Variants in RELN observed in about 807,000 individuals in gnomAD.
RELN encodes reelin.
Under a neutral mutation model 427.6 loss-of-function variants are expected in RELN, and 108 were observed. The observed-to-expected ratio is 0.25, with a 90% CI of 0.22 to 0.30. The LOEUF is 0.30. Ranked by LOEUF, RELN falls within the 10% of genes least tolerant of loss-of-function variation. The probability of loss-of-function intolerance (pLI) is 1.00; values close to 1 mark genes in which losing one functional copy is unlikely to be tolerated. For synonymous variants in RELN, 1,524 were observed against 1,513.4 expected, an observed-to-expected ratio of 1.01 and a Z score of -0.16; for missense variants, 3,715 against 4,302.8, an observed-to-expected ratio of 0.86 and a Z score of 3.82.
intron 2 of RELN, among the ~76,000 whole-genome samples, chr7:103,876,881 C>T (rs148726008): frequency 6.6e-6 from 1 of 151,262 alleles, no homozygotes; most frequent in Non-Finnish European, 1.5e-5. Context: ...ATTGCTTTCT[C>T]GATAGAGAAA....
At position 103,511,014 on chromosome 7, in the gene RELN, A is replaced by G. The variant is rs74952625; in HGVS notation, c.8120-9T>C. The G allele has an allele frequency of 3.1e-4, 503 of 1,609,420 alleles. 1 individual carries two copies. The African/African-American group carries it at 6.1e-3, about 19-fold the overall frequency. On this transcript the variant is annotated splice_polypyrimidine_tract_variant and intron_variant, in intron 50 of 64. Coordinates refer to ENST00000428762, the MANE Select transcript of RELN (RefSeq NM_005045.4). Reference sequence around the variant, plus strand: ...TAGCCAGTGCTCATTCACTTAAAACAAAAAAACAAAATTTTATGACAAATT... The same window carrying G: ...TAGCCAGTGCTCATTCACTTAAAACGAAAAAACAAAATTTTATGACAAATT...
rs1432043969 is a variant in RELN, at chr7:103,650,260, G to T, written c.2002+14C>A. The T allele has an allele frequency of 5.0e-5, 70 of 1,413,532 alleles. No individual in the cohort carries two copies. Among genetic ancestry groups the T allele is most frequent in the Non-Finnish European group, 6.7e-5 (67 of 997,436 alleles). 87.6% of individuals were successfully genotyped at this position (1,413,532 alleles called of 1,614,324 possible). ...CATCAATGGCATGTGATTATGACAG[G>T]CATAAACACTAACCATTATCAATTG... On this transcript the variant is annotated intron_variant, in intron 16 of 64. Transcript: ENST00000428762.
chr7:103,775,960 G>A (rs1211889822), intron 4 of RELN, among the ~76,000 whole-genome samples: 1 of 152,166 alleles, frequency 6.6e-6, no homozygotes, highest in Non-Finnish European at 1.5e-5. Context: ...AAACTCAAGG[G>A]ATAGGGGGAA....
chr7:103,906,887 G>T (rs1190087702), intron 2 of RELN, among the ~76,000 whole-genome samples: 2 of 152,094 alleles, frequency 1.3e-5, no homozygotes, highest in African/African-American at 2.4e-5. Flanking sequence ...ATCTTCAGAG[G>T]TTTTGAGCCA....
rs1254924783 is a variant in RELN, at chr7:103,574,521, CAGACATTGGGA to C, written c.4304-233_4304-223del. Among the ~76,000 whole-genome samples, 13 of 152,286 alleles carry C rather than the reference CAGACATTGGGA, an allele frequency of 8.5e-5. 1 individual carries two copies. The East Asian group carries it at 2.3e-3, about 27-fold the overall frequency. On this transcript the variant is annotated intron_variant, in intron 29 of 64. Coordinates refer to ENST00000428762, the MANE Select transcript of RELN (RefSeq NM_005045.4). The stretch of plus-strand genomic sequence containing the variant: ...GTAAATTTTTATTTTTTAATAGAGA[CAGACATTGGGA>C]AGACATTGGGAACCATACCTTTTCG...
chr7:103,519,408 CT>C lies in RELN; in HGVS notation c.7776del (p.Gly2593ValfsTer31), dbSNP rs771126215. ...GCLITPNNRN[Q>X]GVLLEYSVNG... The stretch of plus-strand genomic sequence containing the variant: ...TTGACAGAATATTCCAAGAGAACAC[CT>C]TGGTTACGGTTGTTTGGTGTAATCA... On this transcript the variant is annotated frameshift_variant, in exon 49 of 65. Coordinates refer to ENST00000428762, the MANE Select transcript of RELN (RefSeq NM_005045.4). LOFTEE classifies it high-confidence loss of function. The C allele has an allele frequency of 6.2e-7, 1 of 1,613,862 alleles. No individual in the cohort carries two copies. The highest frequency in any genetic ancestry group is 8.5e-7 in the Non-Finnish European group (1 of 1,179,820).
At chr7:103,870,195 T>A (rs1359543587) in intron 2 of RELN, among the ~76,000 whole-genome samples, 1 of 152,258 alleles carries the variant, frequency 6.6e-6, no homozygotes, top group South Asian at 2.1e-4. Flanking sequence ...TACCTATGTA[T>A]AATATCTTTA....
intron 57 of RELN, among the ~76,000 whole-genome samples, chr7:103,494,924 G>A (rs1349135176): frequency 6.6e-6 from 1 of 152,018 alleles, no homozygotes; most frequent in African/African-American, 2.4e-5. Flanking sequence ...CACATAATAG[G>A]CATGGAGTAA....
At chr7:103,980,982 G>A (rs1237628710) in intron 1 of RELN, among the ~76,000 whole-genome samples, 1 of 152,160 alleles carries the variant, frequency 6.6e-6, no homozygotes, top group Non-Finnish European at 1.5e-5. Context: ...GAAAAGAACT[G>A]GAACTATGAT....
chr7:103,725,876 A>T (rs906580808), intron 7 of RELN, among the ~76,000 whole-genome samples: 18 of 152,188 alleles, frequency 1.2e-4, no homozygotes, highest in African/African-American at 4.3e-4. Context: ...TTCTCCAGAA[A>T]TGAAATGGCT....
rs748472233 is a variant in RELN at position 103,593,663 on chromosome 7, G to T, written c.3912+19C>A. 5 of 1,602,686 alleles carry T rather than the reference G, an allele frequency of 3.1e-6. No individual in the cohort carries two copies. The South Asian group carries it at 5.5e-5, about 18-fold the overall frequency. On this transcript the variant is annotated intron_variant, in intron 27 of 64. Coordinates refer to ENST00000428762, the MANE Select transcript of RELN (RefSeq NM_005045.4). ...TTTACTCCTTAACTTGCTCTGGGAA[G>T]AAGCTTGTGCATAAATACCTTGAAC...
chr7:103,563,030 C>G lies in RELN; in HGVS notation c.5211-1077G>C, dbSNP rs2117181178. On this transcript the variant is annotated intron_variant, in intron 34 of 64. Coordinates refer to ENST00000428762, the MANE Select transcript of RELN (RefSeq NM_005045.4). The surrounding 1 kb of genome is among the most constrained non-coding windows in gnomAD (Gnocchi z 4.1). ...CCAGCACAAATGCCCTTTTGCTCCC[C>G]TCTTCTCCTGGATAAGCCCTACTCA... Among the ~76,000 whole-genome samples the G allele has an allele frequency of 6.6e-6, 1 of 152,288 alleles. No homozygotes were observed. The highest frequency in any genetic ancestry group is 2.1e-4 in the South Asian group (1 of 4,822).
At chr7:103,920,309 T>G (rs1795584439) in intron 1 of RELN, among the ~76,000 whole-genome samples, 1 of 152,108 alleles carries the variant, frequency 6.6e-6, no homozygotes, top group Non-Finnish European at 1.5e-5. Flanking sequence ...ATTGGACAAA[T>G]TTTTTATATT....
intron 2 of RELN, among the ~76,000 whole-genome samples, chr7:103,864,066 A>G (rs994575646): frequency 2.0e-5 from 3 of 152,112 alleles, no homozygotes; most frequent in Non-Finnish European, 4.4e-5. Flanking sequence ...TTGCTTTTCA[A>G]CTTCACTCAG....
At chr7:103,797,515 A>T (rs67342215) in intron 3 of RELN, among the ~76,000 whole-genome samples, 29,238 of 152,166 alleles carry the variant, frequency 0.19, 2,998 homozygotes, top group East Asian at 0.31. Context: ...TTAACTTCTT[A>T]CATAACCGTG....
At position 103,760,291 on chromosome 7, in the gene RELN, G is replaced by A. The variant is rs534848528; in HGVS notation, c.545-7077C>T. ...TTCATTTCTTAAAAAGCATTTCTGT[G>A]CATATGCTCTTTCAAAAGTTGAGCC... is the stretch of plus-strand genomic sequence containing the variant. On this transcript the variant is annotated intron_variant, in intron 4 of 64. Transcript: ENST00000428762. Among the ~76,000 whole-genome samples, 36 of 151,986 alleles carry A rather than the reference G, an allele frequency of 2.4e-4. No homozygotes were observed. The South Asian group carries it at 7.1e-3, about 30-fold the overall frequency.
intron 2 of RELN, among the ~76,000 whole-genome samples, chr7:103,840,244 C>T (rs1010343115): frequency 3.9e-5 from 6 of 152,190 alleles, no homozygotes; most frequent in East Asian, 1.9e-4. Flanking sequence ...AGCAAGTGTA[C>T]GAAGTAGCCT....
intron 3 of RELN, among the ~76,000 whole-genome samples, chr7:103,792,382 T>C (rs369475288): frequency 5.3e-5 from 8 of 152,316 alleles, no homozygotes; most frequent in African/African-American, 1.9e-4. Context: ...GGAATATTAT[T>C]CAACCATAAA....
intron 27 of RELN, among the ~76,000 whole-genome samples, chr7:103,591,145 T>C (rs1831407197): frequency 6.6e-6 from 1 of 152,260 alleles, no homozygotes; most frequent in Admixed American, 6.5e-5. Flanking sequence ...AAACTCTTTT[T>C]CTCATGTTCA....
Sources: gnomAD v4.1 joint callset for allele counts (sites outside exome capture counted in the v4.1 genomes callset) on GRCh38, gnomAD v4.1.1 for gene constraint, Gnocchi (gnomAD v3.1) non-coding constraint, MANE v1.5 for transcripts, NCBI Gene and HGNC (gene_info 2026-07-23, HGNC 2026-07-21) for gene names.